SUMF1: variants seen among roughly 807,000 people sequenced by gnomAD.
SUMF1 encodes formylglycine-generating enzyme.
Under a neutral mutation model 47.6 loss-of-function variants are expected in SUMF1, and 48 were observed. The observed-to-expected ratio is 1.01, with a 90% CI of 0.80 to 1.28. The LOEUF is 1.28. Ranked by LOEUF, SUMF1 falls within the 50% of genes most tolerant of loss-of-function variation. The pLI is 0.00. For missense variants in SUMF1, 571 were observed against 485.4 expected (o/e 1.18, Z -1.66); for synonymous variants, 230 against 192.1 (o/e 1.20, Z -1.63).
intron 8 of SUMF1, among the ~76,000 whole-genome samples, chr3:4,287,147 T>C (rs1341175976): frequency 6.6e-6 from 1 of 152,186 alleles, no homozygotes; most frequent in Non-Finnish European, 1.5e-5. Flanking sequence ...TTGTATGTTT[T>C]CAGTTTTAAT....
intron 8 of SUMF1, among the ~76,000 whole-genome samples, chr3:4,328,608 A>C (rs919859061): frequency 6.6e-6 from 1 of 152,228 alleles, no homozygotes; most frequent in Non-Finnish European, 1.5e-5. Flanking sequence ...AATTTTCTCC[A>C]CTTGGTCCCG....
At chr3:4,284,512 C>T (rs1285535266) in intron 8 of SUMF1, among the ~76,000 whole-genome samples, 3 of 148,536 alleles carry the variant, frequency 2.0e-5, no homozygotes, top group Admixed American at 1.3e-4. Flanking sequence ...AAAGAAGGGG[C>T]TTGCCTTGCT....
In SUMF1 at chr3:4,226,210, GCCTTATAACTGTTAGCTATTA is replaced by G. The variant is rs1019070846; in HGVS notation, c.1014+150099_1014+150119del. 6.7e-4 allele frequency among the ~76,000 whole-genome samples: 101 copies of G among 150,928 alleles called. 1 individual carries two copies. Among genetic ancestry groups the G allele is most frequent in the Middle Eastern group, 3.4e-3 (1 of 290 alleles). ...AACAGTGTTTAGACACTTAATAAGGGCCTTATAACTGTTAGCTATTACCACCATCATGATTATTGTTTTTTT... is the reference window on the plus strand; with the variant it reads ...AACAGTGTTTAGACACTTAATAAGGGCCACCATCATGATTATTGTTTTTTT... On this transcript the variant is annotated intron_variant and NMD_transcript_variant, in intron 8 of 12. Transcript: ENST00000448413.
intron 8 of SUMF1, among the ~76,000 whole-genome samples, chr3:4,372,925 C>G (rs1181519284): frequency 6.6e-6 from 1 of 152,150 alleles, no homozygotes; most frequent in Non-Finnish European, 1.5e-5. Flanking sequence ...ACCTAATAAA[C>G]AATTCATTTG....
At chr3:4,065,915 AG>A (rs1247919669) in intron 9 of SUMF1, among the ~76,000 whole-genome samples, 1 of 152,158 alleles carries the variant, frequency 6.6e-6, no homozygotes, top group African/African-American at 2.4e-5. Context: ...GTGATATGAC[AG>A]GGGAAAAAAT....
At chr3:4,286,783 C>T (rs1029372130) in intron 8 of SUMF1, among the ~76,000 whole-genome samples, 11 of 152,106 alleles carry the variant, frequency 7.2e-5, no homozygotes, top group Admixed American at 5.2e-4. Flanking sequence ...GAACACCTAA[C>T]GTACACTTGT....
Position 4,319,604 on chromosome 3 carries a change from A to G in SUMF1, c.1014+56726T>C, listed in dbSNP as rs148109100. On this transcript the variant is annotated intron_variant and NMD_transcript_variant, in intron 8 of 12. Transcript: ENST00000448413. ...TTTAAGACCTGAAGGGTCAATTTCC[A>G]TGTGTGTTCCAAAACTTTTAAATGT... Among the ~76,000 whole-genome samples, 342 of 152,316 alleles carry G rather than the reference A, an allele frequency of 2.2e-3. 1 individual carries two copies. The highest frequency in any genetic ancestry group is 4.1e-3 in the African/African-American group (171 of 41,574).
At chr3:4,111,809 C>T (rs373017428) in intron 8 of SUMF1, among the ~76,000 whole-genome samples, 16 of 152,026 alleles carry the variant, frequency 1.1e-4, no homozygotes, top group African/African-American at 2.7e-4. Flanking sequence ...CCAAGTACAA[C>T]GTAAAAGGTG....
chr3:4,266,362 G>A (rs1387713076), intron 8 of SUMF1, among the ~76,000 whole-genome samples: 2 of 152,136 alleles, frequency 1.3e-5, no homozygotes, highest in African/African-American at 4.8e-5. Context: ...CTACCCATGA[G>A]CATGGAATGT....
chr3:4,081,254 T>C (rs1202578611), intron 8 of SUMF1, among the ~76,000 whole-genome samples: 2 of 152,134 alleles, frequency 1.3e-5, no homozygotes, highest in South Asian at 2.1e-4. Context: ...CCAATTTTTC[T>C]AAACCTCAGA....
At chr3:4,040,517 G>C (rs1694889652) in intron 9 of SUMF1, among the ~76,000 whole-genome samples, 1 of 152,086 alleles carries the variant, frequency 6.6e-6, no homozygotes, top group Admixed American at 6.6e-5. Context: ...ACATGCAATT[G>C]AAACAATAGC....
intron 8 of SUMF1, among the ~76,000 whole-genome samples, chr3:4,186,081 T>TA (rs1290572738): frequency 6.6e-6 from 1 of 152,182 alleles, no homozygotes; most frequent in Non-Finnish European, 1.5e-5. Flanking sequence ...TCACTGGGGA[T>TA]AGAGTCATTT....
downstream of SUMF1, among the ~76,000 whole-genome samples, chr3:4,356,999 T>A (rs372340653): frequency 5.3e-5 from 8 of 151,846 alleles, no homozygotes; most frequent in African/African-American, 7.3e-5. Flanking sequence ...TCTGAAAAAC[T>A]GAGTGCAGAT....
chr3:4,446,635 A>G (rs1220615839), intron 3 of SUMF1, among the ~76,000 whole-genome samples: 2 of 152,190 alleles, frequency 1.3e-5, no homozygotes, highest in African/African-American at 2.4e-5. Context: ...AGAACCCACC[A>G]ATTATCTGAT....
chr3:4,133,965 C>T (rs1045561684), intron 8 of SUMF1, among the ~76,000 whole-genome samples: 2 of 152,002 alleles, frequency 1.3e-5, no homozygotes, highest in African/African-American at 2.4e-5. Context: ...TACTCAGCTC[C>T]TAAATTCCAA....
At chr3:4,443,542 T>C (rs911458593) in intron 3 of SUMF1, among the ~76,000 whole-genome samples, 11 of 152,184 alleles carry the variant, frequency 7.2e-5, no homozygotes, top group South Asian at 4.1e-4. Flanking sequence ...GGTGGAAGGA[T>C]TGCTTGAGCC....
chr3:4,121,003 G>C (rs1313926869), intron 8 of SUMF1, among the ~76,000 whole-genome samples: 1 of 152,062 alleles, frequency 6.6e-6, no homozygotes, highest in East Asian at 1.9e-4. Context: ...TAACAGATAG[G>C]AAATAACTGA....
intron 8 of SUMF1, chr3:4,316,599 A>C: frequency 6.4e-7 from 1 of 1,551,334 alleles, no homozygotes; most frequent in Non-Finnish European, 8.7e-7. Flanking sequence ...AAATCAAAAA[A>C]ATCGTCGTTT....
intron 8 of SUMF1, among the ~76,000 whole-genome samples, chr3:4,211,224 A>ATATATATATC (rs1233053610): frequency 7.2e-6 from 1 of 138,332 alleles, no homozygotes; most frequent in African/African-American, 2.8e-5. Flanking sequence ...ATATATATAT[A>ATATATATATC]TATCCTATTA....
Sources: gnomAD v4.1 joint callset for allele counts (sites outside exome capture counted in the v4.1 genomes callset) on GRCh38, gnomAD v4.1.1 for gene constraint, MANE v1.5 for transcripts, NCBI Gene and HGNC (gene_info 2026-07-23, HGNC 2026-07-21) for gene names.